The following TRPM8 variants were observed in gnomAD, a reference collection of about 807,000 sequenced individuals.
TRPM8 encodes the protein TRPM8 cationic channel.
TRPM8 carries 110 observed loss-of-function variants against 133.7 expected under a neutral mutation model. The observed-to-expected ratio is 0.82, with a 90% confidence interval of 0.70 to 0.96. The LOEUF (loss-of-function observed/expected upper bound fraction) is 0.96, where lower values mean the gene tolerates loss of function less well. Ranked by LOEUF, TRPM8 falls within the 40% of genes least tolerant of loss-of-function variation. The pLI is 0.00. For missense variants in TRPM8, 1,291 were observed against 1,379.5 expected (o/e 0.94, Z 1.02); for synonymous variants, 535 against 532.3 (o/e 1.01, Z -0.07).
At chr2:233,990,705 G>A (rs753849784) in intron 21 of TRPM8, among the ~76,000 whole-genome samples, 1 of 152,078 alleles carries the variant, frequency 6.6e-6, no homozygotes, top group African/African-American at 2.4e-5. Flanking sequence ...TTCTAACCAC[G>A]AGCTCAGGAT....
chr2:233,946,374 A>G (rs1691043745), intron 7 of TRPM8: 1 of 191,864 alleles, frequency 5.2e-6, no homozygotes, highest in African/African-American at 2.3e-5. Context: ...GAAACAACGC[A>G]ATTAGCTAGG....
chr2:233,922,798 A>G (rs1691435746), intron 1 of TRPM8, among the ~76,000 whole-genome samples: 1 of 152,188 alleles, frequency 6.6e-6, no homozygotes, highest in African/African-American at 2.4e-5. Flanking sequence ...GAAGAAGAGA[A>G]GTTTTATACC....
intron 9 of TRPM8, among the ~76,000 whole-genome samples, chr2:233,951,443 C>T (rs1054497633): frequency 2.0e-5 from 3 of 152,110 alleles, no homozygotes; most frequent in Non-Finnish European, 4.4e-5. Flanking sequence ...AAAGATGGCC[C>T]CAGGTCCACT....
rs911613537 is a variant in TRPM8 at position 233,922,173 on chromosome 2, T to C, written c.-5-4360T>C. ...TAAGGTAGAACATCTCCATCTGGTT[T>C]TGCACAACCCTTGCAAAAGTCAGTC... On this transcript the variant is annotated intron_variant, in intron 1 of 25. Transcript: ENST00000324695. Among the ~76,000 whole-genome samples, 9 of 152,274 alleles carry C rather than the reference T, an allele frequency of 5.9e-5. No homozygotes were observed. The South Asian group carries it at 8.3e-4, about 14-fold the overall frequency.
At chr2:233,998,009 A>G (rs1464179153) in intron 22 of TRPM8, among the ~76,000 whole-genome samples, 1 of 152,176 alleles carries the variant, frequency 6.6e-6, no homozygotes, top group East Asian at 1.9e-4. Context: ...TTATGCCTCA[A>G]CCAGATTAAG....
chr2:233,937,301 A>G (rs1690777124), intron 3 of TRPM8, 52 bp from the exon 4 acceptor site: 1 of 1,601,246 alleles, frequency 6.2e-7, no homozygotes, highest in Non-Finnish European at 8.5e-7. Flanking sequence ...CAGTTTCCAT[A>G]AGCAGGCTCA....
chr2:233,937,426 T>TG lies in TRPM8; in HGVS notation c.267dup (p.Asn90GlufsTer20), dbSNP rs2125078742. The TG allele has an allele frequency of 3.7e-6, 6 of 1,613,988 alleles. No homozygotes were observed. The East Asian group carries it at 1.3e-4, about 36-fold the overall frequency. On this transcript the variant is annotated frameshift_variant, in exon 4 of 26. Transcript: ENST00000324695. LOFTEE classifies it high-confidence loss of function. Reference sequence around the variant, plus strand: ...CACCCAGATCAACCAAAGTGAGAAATGGAACTACAAGAAACACACCAAGGA... The same window carrying TG: ...CACCCAGATCAACCAAAGTGAGAAATGGGAACTACAAGAAACACACCAAGGA...
At chr2:233,970,671 TAGTC>T (rs1388609987) in intron 17 of TRPM8, 16 of 533,960 alleles carry the variant, frequency 3.0e-5, no homozygotes, top group Non-Finnish European at 3.4e-5. Flanking sequence ...GGAGATGAAT[TAGTC>T]AGGAATGGGG....
intron 16 of TRPM8, 50 bp from the exon 17 acceptor site, chr2:233,970,160 C>A (rs568752945): frequency 1.2e-5 from 19 of 1,528,138 alleles, no homozygotes; most frequent in Admixed American, 5.0e-5. Context: ...AGGGCTGTGC[C>A]CGTCCCATGC....
chr2:233,959,712 A>G (rs1183526685), intron 11 of TRPM8, among the ~76,000 whole-genome samples: 2 of 152,306 alleles, frequency 1.3e-5, no homozygotes, highest in East Asian at 1.9e-4. Flanking sequence ...AAGAAATGCT[A>G]TAGAGGGCAC....
At chr2:233,970,885 G>A (rs966714296) in intron 17 of TRPM8, among the ~76,000 whole-genome samples, 2 of 152,152 alleles carry the variant, frequency 1.3e-5, no homozygotes, top group Non-Finnish European at 2.9e-5. Context: ...CAGGGAGCTG[G>A]TGTGAATTAT....
At chr2:233,961,486 A>G (rs1691435915) in intron 12 of TRPM8, among the ~76,000 whole-genome samples, 1 of 151,968 alleles carries the variant, frequency 6.6e-6, no homozygotes, top group Non-Finnish European at 1.5e-5. Context: ...TTGTATTTTT[A>G]GTAGATATGG....
At chr2:233,944,458 T>G (rs1244042092) in intron 6 of TRPM8, among the ~76,000 whole-genome samples, 1 of 152,212 alleles carries the variant, frequency 6.6e-6, no homozygotes, top group East Asian at 1.9e-4. Flanking sequence ...GAGAAAAGAC[T>G]TCAAAGTCTC....
At chr2:234,016,009 C>T (rs1407681752) in intron 25 of TRPM8, among the ~76,000 whole-genome samples, 1 of 152,090 alleles carries the variant, frequency 6.6e-6, no homozygotes, top group African/African-American at 2.4e-5. Context: ...ACGCACATCC[C>T]CCTCCTAAAT....
chr2:233,939,413 A>T lies in TRPM8; in HGVS notation c.526+238A>T, dbSNP rs571269051. Among the ~76,000 whole-genome samples, 20 of 152,232 alleles carry T rather than the reference A, an allele frequency of 1.3e-4. No individual in the cohort carries two copies. In the South Asian group the frequency reaches 2.1e-3, roughly 16 times the overall value. On this transcript the variant is annotated intron_variant, in intron 5 of 25. Transcript: ENST00000324695. ...AGCGTTAAGGTGCTTCCTTAGGGGAATTTTTTTTAATCTTGTAAGATTTTC... is the reference window on the plus strand; with the variant it reads ...AGCGTTAAGGTGCTTCCTTAGGGGATTTTTTTTTAATCTTGTAAGATTTTC...
chr2:234,001,825 T>A (rs1181031436), intron 22 of TRPM8, among the ~76,000 whole-genome samples: 1 of 152,090 alleles, frequency 6.6e-6, no homozygotes, highest in Non-Finnish European at 1.5e-5. Flanking sequence ...GTGACGTAGA[T>A]AATTTCGCGG....
At position 233,928,911 on chromosome 2, in the gene TRPM8, C is replaced by T. The variant is rs149540039; in HGVS notation, c.118-1757C>T. On this transcript the variant is annotated intron_variant, in intron 2 of 25. Coordinates refer to ENST00000324695, the MANE Select transcript of TRPM8 (RefSeq NM_024080.5). Reference sequence around the variant, plus strand: ...AATTTTATGACTTGAGTATATGTATCTCTCTAAACAATACATTGTTTAGTT... The same window carrying T: ...AATTTTATGACTTGAGTATATGTATTTCTCTAAACAATACATTGTTTAGTT... Among the ~76,000 whole-genome samples, 1,081 of 151,672 alleles carry T rather than the reference C, an allele frequency of 7.1e-3. 37 individuals carry two copies. Among genetic ancestry groups the T allele is most frequent in the Admixed American group, 4.7e-3 (72 of 15,262 alleles).
At chr2:233,930,488 T>A (rs1404080972) in intron 2 of TRPM8, among the ~76,000 whole-genome samples, 180 bp from the exon 3 acceptor site, 1 of 152,334 alleles carries the variant, frequency 6.6e-6, no homozygotes, top group African/African-American at 2.4e-5. Context: ...AATTTTAAAG[T>A]TTGCATCTTT....
intron 17 of TRPM8, among the ~76,000 whole-genome samples, chr2:233,970,764 C>T (rs187131470): frequency 2.4e-4 from 36 of 152,232 alleles, no homozygotes; most frequent in African/African-American, 5.3e-4. Context: ...CTGCCATTAC[C>T]GTGGCATGAT....
Sources: allele counts gnomAD v4.1 joint callset (sites outside exome capture counted in the v4.1 genomes callset), GRCh38; gene constraint gnomAD v4.1.1; transcripts MANE v1.5; gene names NCBI Gene and HGNC (gene_info 2026-07-23, HGNC 2026-07-21).